ZRANB3: variants seen among roughly 807,000 people sequenced by gnomAD.
ZRANB3 encodes DNA annealing helicase and endonuclease ZRANB3.
ZRANB3 carries 125 observed loss-of-function variants against 133.8 expected under a neutral mutation model. The observed-to-expected ratio is 0.93, with a 90% CI of 0.81 to 1.08. The LOEUF (loss-of-function observed/expected upper bound fraction) is 1.08, where lower values mean the gene tolerates loss of function less well. Ranked by LOEUF, ZRANB3 falls within the 50% of genes least tolerant of loss-of-function variation. The pLI, the probability that ZRANB3 is intolerant of heterozygous loss-of-function variation, is 0.00. For missense variants in ZRANB3, 1,229 were observed against 1,275.5 expected (o/e 0.96, Z 0.56); for synonymous variants, 387 against 432.7 (o/e 0.89, Z 1.31).
chr2:135,275,576 T>C, intron 9 of ZRANB3, 60 bp downstream of exon 9: 2 of 1,392,922 alleles, frequency 1.4e-6, no homozygotes, highest in South Asian at 3.5e-5. Context: ...CTACAACTGA[T>C]GTTTAGTATA....
chr2:135,258,325 G>C (rs1360469510), intron 12 of ZRANB3, among the ~76,000 whole-genome samples: 1 of 152,216 alleles, frequency 6.6e-6, no homozygotes, highest in Non-Finnish European at 1.5e-5. Context: ...GCTCCCTGGA[G>C]AATCTCCAAC....
intron 1 of ZRANB3, among the ~76,000 whole-genome samples, chr2:135,518,684 T>A (rs999342439): frequency 2.0e-5 from 3 of 151,988 alleles, no homozygotes; most frequent in Non-Finnish European, 4.4e-5. Context: ...GAGCTGCAGA[T>A]TGGAACTGTT....
intron 2 of ZRANB3, among the ~76,000 whole-genome samples, chr2:135,498,097 A>AAATG (rs1164527604): frequency 6.6e-6 from 1 of 151,510 alleles, no homozygotes; most frequent in East Asian, 1.9e-4. Flanking sequence ...ATAAATAAAT[A>AAATG]AATAATCCTG....
At chr2:135,374,876 G>T (rs968886123) in intron 3 of ZRANB3, among the ~76,000 whole-genome samples, 9 of 152,050 alleles carry the variant, frequency 5.9e-5, no homozygotes, top group African/African-American at 2.2e-4. Context: ...AAAAAGAAAC[G>T]ATTTAAACAT....
At chr2:135,364,644 G>C (rs530115754) in intron 3 of ZRANB3, among the ~76,000 whole-genome samples, 4 of 152,102 alleles carry the variant, frequency 2.6e-5, no homozygotes, top group East Asian at 1.9e-4. Context: ...AGCTACTCAG[G>C]GGGGTTGAGG....
chr2:135,224,350 TTAAG>T, intron 15 of ZRANB3, 72 bp downstream of exon 15: 1 of 1,121,818 alleles, frequency 8.9e-7, no homozygotes, highest in East Asian at 2.5e-5. Flanking sequence ...GTTAATAAAA[TTAAG>T]TATCTCCACT....
chr2:135,454,732 C>G (rs185157387), intron 2 of ZRANB3, among the ~76,000 whole-genome samples: 6 of 152,248 alleles, frequency 3.9e-5, no homozygotes, highest in African/African-American at 7.2e-5. Flanking sequence ...GGATAATGAC[C>G]TCTAGTTCCA....
intron 7 of ZRANB3, 100 bp from the exon 8 acceptor site, chr2:135,313,705 T>C (rs921770765): frequency 9.0e-6 from 6 of 664,090 alleles, no homozygotes; most frequent in African/African-American, 3.7e-5. Flanking sequence ...CTTTTCTCTA[T>C]AGAAAGATAT....
At chr2:135,303,977 A>T (rs1432564072) in intron 8 of ZRANB3, among the ~76,000 whole-genome samples, 1 of 152,220 alleles carries the variant, frequency 6.6e-6, no homozygotes, top group Non-Finnish European at 1.5e-5. Context: ...TTATATGTTG[A>T]ACATGAATTC....
intron 17 of ZRANB3, among the ~76,000 whole-genome samples, 199 bp downstream of exon 17, chr2:135,217,266 A>ATCTCTTTTAGCAGATTTTGTCAAATTC (rs1694350423): frequency 6.6e-6 from 1 of 152,098 alleles, no homozygotes; most frequent in Non-Finnish European, 1.5e-5. Context: ...GGACAACCTG[A>ATCTCTTTTAGCAGATTTTGTCAAATTC]TCTCTTTTAG....
rs143060276 is a variant in ZRANB3, at chr2:135,256,548, G to C, written c.1539+8986C>G. Among the ~76,000 whole-genome samples the C allele has an allele frequency of 1.9e-3, 289 of 152,226 alleles. 2 individuals are homozygous for C. Among genetic ancestry groups the C allele is most frequent in the Admixed American group, 0.018 (269 of 15,282 alleles). On this transcript the variant is annotated intron_variant, in intron 12 of 20. Transcript: ENST00000264159. ...TCTCCATGTTGGTCAGGCTGGCCTC[G>C]AACTCCCAACCTCAGGTGACCCACC...
At chr2:135,364,523 G>A (rs773254492) in intron 3 of ZRANB3, among the ~76,000 whole-genome samples, 19 of 151,942 alleles carry the variant, frequency 1.3e-4, no homozygotes, top group African/African-American at 2.2e-4. Context: ...TGAGGTGGGC[G>A]GATAACTTGA....
intron 2 of ZRANB3, among the ~76,000 whole-genome samples, chr2:135,392,532 C>T (rs952022032): frequency 6.6e-6 from 1 of 152,070 alleles, no homozygotes; most frequent in East Asian, 1.9e-4. Context: ...ACTGGATCAC[C>T]TGAGGTCAGG....
At chr2:135,434,865 G>A (rs540859191) in intron 2 of ZRANB3, among the ~76,000 whole-genome samples, 1 of 152,168 alleles carries the variant, frequency 6.6e-6, no homozygotes, top group African/African-American at 2.4e-5. Flanking sequence ...ATCTGATTGT[G>A]TTTTCTTTGG....
At chr2:135,234,946 A>T (rs1005435179) in intron 12 of ZRANB3, among the ~76,000 whole-genome samples, 1 of 152,226 alleles carries the variant, frequency 6.6e-6, no homozygotes, top group Admixed American at 6.5e-5. Context: ...ATCAGAGTAG[A>T]ACTGAAGGAA....
chr2:135,312,151 ATTTTAT>A (rs752954045), intron 8 of ZRANB3, among the ~76,000 whole-genome samples: 133 of 114,814 alleles, frequency 1.2e-3, no homozygotes, highest in African/African-American at 5.5e-3. Context: ...ATTTTATTTT[ATTTTAT>A]TTTTATTTTA....
intron 2 of ZRANB3, among the ~76,000 whole-genome samples, chr2:135,477,935 G>A (rs561973694): frequency 1.3e-5 from 2 of 152,172 alleles, no homozygotes; most frequent in South Asian, 2.1e-4. Flanking sequence ...GTTGCATTGA[G>A]CCATGATCAT....
chr2:135,212,016 C>T (rs189471397), intron 17 of ZRANB3, among the ~76,000 whole-genome samples: 1 of 152,292 alleles, frequency 6.6e-6, no homozygotes, highest in African/African-American at 2.4e-5. Context: ...TCTTCTCTTT[C>T]ACTAGCACAA....
At chr2:135,400,819 G>C (rs1177313092) in intron 2 of ZRANB3, among the ~76,000 whole-genome samples, 1 of 152,192 alleles carries the variant, frequency 6.6e-6, no homozygotes, top group Non-Finnish European at 1.5e-5. Flanking sequence ...TGAATGAGCA[G>C]GGTTGTGTTC....
Sources: gnomAD v4.1 joint callset for allele counts (sites outside exome capture counted in the v4.1 genomes callset) on GRCh38, gnomAD v4.1.1 for gene constraint, MANE v1.5 for transcripts, NCBI Gene and HGNC (gene_info 2026-07-23, HGNC 2026-07-21) for gene names.